FOXP1: variants seen among roughly 807,000 people sequenced by gnomAD.
The protein encoded by FOXP1 is forkhead box P1, also known as forkhead box protein P1.
In FOXP1, 15 loss-of-function variants were observed where a neutral mutation model predicts 98.2. The observed-to-expected ratio is 0.15, with a 90% CI of 0.10 to 0.24. FOXP1 has a LOEUF of 0.24. Ranked by LOEUF, FOXP1 falls within the 10% of genes least tolerant of loss-of-function variation. The pLI, the probability that FOXP1 is intolerant of heterozygous loss-of-function variation, is 1.00. For synonymous variants in FOXP1, 371 were observed against 314.5 expected (o/e 1.18, Z -1.90); for missense variants, 633 against 848.5 (o/e 0.75, Z 3.15).
chr3:71,331,032 C>A (rs544892548), intron 4 of FOXP1, among the ~76,000 whole-genome samples: 1 of 152,368 alleles, frequency 6.6e-6, no homozygotes, highest in East Asian at 1.9e-4. Flanking sequence ...CCACTCTGGC[C>A]GCGCTTGAGG....
chr3:71,368,735 T>C (rs548244903), intron 3 of FOXP1, among the ~76,000 whole-genome samples: 2 of 152,200 alleles, frequency 1.3e-5, no homozygotes, highest in African/African-American at 2.4e-5. Flanking sequence ...ATGTGACTGA[T>C]TTCTGCTCAA....
intron 6 of FOXP1, among the ~76,000 whole-genome samples, chr3:71,125,417 G>T (rs765605899): frequency 6.6e-6 from 1 of 151,924 alleles, no homozygotes; most frequent in Non-Finnish European, 1.5e-5. Flanking sequence ...TGACATGACC[G>T]ATTAAAAAAA....
intron 6 of FOXP1, among the ~76,000 whole-genome samples, chr3:71,139,786 C>T (rs948255862): frequency 6.6e-6 from 1 of 152,182 alleles, no homozygotes; most frequent in Non-Finnish European, 1.5e-5. Context: ...CTGAAACAGA[C>T]TCTTTCGCTA....
At chr3:71,535,589 G>A (rs951859576) in intron 2 of FOXP1, among the ~76,000 whole-genome samples, 2 of 152,148 alleles carry the variant, frequency 1.3e-5, no homozygotes, top group Admixed American at 6.5e-5. Context: ...TAGCTTGGAC[G>A]TGGTGGCGTG....
At chr3:71,128,152 C>T (rs187236035) in intron 6 of FOXP1, among the ~76,000 whole-genome samples, 11 of 152,204 alleles carry the variant, frequency 7.2e-5, no homozygotes, top group Admixed American at 1.3e-4. Flanking sequence ...GCTAGAATCA[C>T]GCACATCACT....
intron 10 of FOXP1, 106 bp from the exon 11 acceptor site, chr3:71,041,638 G>T (rs2048351613): frequency 2.7e-6 from 3 of 1,103,328 alleles, no homozygotes; most frequent in Admixed American, 2.0e-5. Context: ...TGTTAGGGGG[G>T]TTTTTCGGTG....
At chr3:71,476,758 C>A (rs1454388826) in intron 3 of FOXP1, among the ~76,000 whole-genome samples, 3 of 151,714 alleles carry the variant, frequency 2.0e-5, no homozygotes, top group African/African-American at 7.3e-5. Context: ...CCCACCTTGG[C>A]CTCCCAAAGT....
intron 11 of FOXP1, among the ~76,000 whole-genome samples, chr3:71,033,080 C>G (rs1400744634): frequency 1.3e-5 from 2 of 152,200 alleles, no homozygotes; most frequent in Non-Finnish European, 2.9e-5. Context: ...CATGCTTTCC[C>G]TCACACCCCT....
intron 3 of FOXP1, among the ~76,000 whole-genome samples, chr3:71,366,014 T>C (rs2078907595): frequency 6.6e-6 from 1 of 152,114 alleles, no homozygotes. Context: ...TGTTCCTTCT[T>C]AACCAATTTC....
chr3:71,372,449 C>A lies in FOXP1; in HGVS notation c.-167-13205G>T, dbSNP rs1208906406. Among the ~76,000 whole-genome samples, 3 of 152,124 alleles carry A rather than the reference C, an allele frequency of 2.0e-5. No individual in the cohort carries two copies. In the East Asian group the frequency reaches 5.8e-4, roughly 29 times the overall value. On this transcript the variant is annotated intron_variant, in intron 3 of 20. Coordinates refer to ENST00000649528, the MANE Select transcript of FOXP1 (RefSeq NM_001349338.3). The stretch of plus-strand genomic sequence containing the variant: ...GTGAACTCCCATTCCACGCAGATAT[C>A]TTGTTCCTTCGTTTCACTTGCACTC...
At chr3:71,488,200 C>T (rs1293682363) in intron 3 of FOXP1, among the ~76,000 whole-genome samples, 2 of 152,106 alleles carry the variant, frequency 1.3e-5, no homozygotes, top group Non-Finnish European at 2.9e-5. Flanking sequence ...TAAACTGTCA[C>T]CTCCAATAGA....
intron 4 of FOXP1, among the ~76,000 whole-genome samples, chr3:71,320,046 C>T (rs2075303368): frequency 6.6e-6 from 1 of 152,132 alleles, no homozygotes; most frequent in Non-Finnish European, 1.5e-5. Context: ...CTCTTTCCTG[C>T]CTTTGGTTTT....
intron 4 of FOXP1, among the ~76,000 whole-genome samples, chr3:71,331,131 G>A (rs2076267639): frequency 6.6e-6 from 1 of 152,212 alleles, no homozygotes; most frequent in African/African-American, 2.4e-5. Flanking sequence ...GGGAGGTGTG[G>A]AGAGAGAGGT....
Position 70,955,069 on chromosome 3 carries a change from T to G in FOXP1, c.*4178A>C, listed in dbSNP as rs985167118. ...TCAGGATAAAGAAGCAAAACTGACT[T>G]TGAAGACATCCAGAATTTCAGGAGG... is the stretch of plus-strand genomic sequence containing the variant. On this transcript the variant is annotated 3_prime_UTR_variant, in exon 21 of 21. Transcript: ENST00000649528. 1 of 232,120 alleles carries G rather than the reference T, an allele frequency of 4.3e-6. No homozygotes were observed. The highest frequency in any genetic ancestry group is 8.5e-6 in the Non-Finnish European group (1 of 117,460). The allele number at this position is 232,120 out of a possible 1,614,324, so 14.4% of individuals were successfully genotyped here. A position where few individuals can be genotyped will look rare whatever the true frequency, so the allele number is the denominator to read the frequency against.
At chr3:71,018,031 A>C (rs1363979253) in intron 11 of FOXP1, among the ~76,000 whole-genome samples, 1 of 152,228 alleles carries the variant, frequency 6.6e-6, no homozygotes. Flanking sequence ...TAAGTGGTTA[A>C]ACGGCTGTGC....
intron 4 of FOXP1, among the ~76,000 whole-genome samples, chr3:71,348,676 G>A (rs2077572430): frequency 6.6e-6 from 1 of 151,970 alleles, no homozygotes; most frequent in Non-Finnish European, 1.5e-5. Context: ...AGAGGAGGGA[G>A]TAAAGGGGGA....
chr3:71,047,188 C>T (rs2049138450), intron 9 of FOXP1, 93 bp from the exon 10 acceptor site: 1 of 1,440,272 alleles, frequency 6.9e-7, no homozygotes, highest in Non-Finnish European at 9.8e-7. Flanking sequence ...TCATCAAATG[C>T]TGAGAATGGT....
intron 11 of FOXP1, among the ~76,000 whole-genome samples, chr3:71,034,756 A>AG (rs1323884455): frequency 1.3e-5 from 2 of 152,244 alleles, no homozygotes; most frequent in East Asian, 3.9e-4. Flanking sequence ...CACAGAGCCA[A>AG]GGAGTGGGTC....
intron 3 of FOXP1, among the ~76,000 whole-genome samples, chr3:71,372,820 G>C (rs562765263): frequency 6.6e-6 from 1 of 152,214 alleles, no homozygotes; most frequent in Non-Finnish European, 1.5e-5. Context: ...TTACAGAAAT[G>C]ATGAATCTAG....
Sources: allele counts gnomAD v4.1 joint callset (sites outside exome capture counted in the v4.1 genomes callset), GRCh38; gene constraint gnomAD v4.1.1; transcripts MANE v1.5; gene names NCBI Gene and HGNC (gene_info 2026-07-23, HGNC 2026-07-21).